The following NDRG2 variants were observed in gnomAD, a reference collection of about 807,000 sequenced individuals.
The protein encoded by NDRG2 is protein NDRG2.
A neutral mutation model predicts 58.2 loss-of-function variants in NDRG2; 34 were observed. The ratio of observed to expected loss-of-function variants is 0.58; its 90% CI spans 0.44 to 0.78. NDRG2 has a LOEUF of 0.78. NDRG2 is among the 30% of genes least tolerant of loss of function. The pLI, the probability that NDRG2 is intolerant of heterozygous loss-of-function variation, is 0.00. For synonymous variants in NDRG2, 187 were observed against 175.9 expected (o/e 1.06, Z -0.50); for missense variants, 434 against 471.2 (o/e 0.92, Z 0.73).
At chr14:21,036,926 G>T (rs947704706) in intron 1 of NDRG2, among the ~76,000 whole-genome samples, 3 of 152,212 alleles carry the variant, frequency 2.0e-5, no homozygotes, top group Non-Finnish European at 4.4e-5. Context: ...GCCAATGCAG[G>T]GTGTCGCCTG....
intron 1 of NDRG2, among the ~76,000 whole-genome samples, chr14:21,058,955 C>A (rs1885812226): frequency 6.6e-6 from 1 of 152,226 alleles, no homozygotes; most frequent in Non-Finnish European, 1.5e-5. Context: ...GAGGCATCAG[C>A]TCCACCTGCC....
In NDRG2 at chr14:21,018,826, G is replaced by A. The variant is rs972921933; in HGVS notation, c.762-12C>T. ...GCATCACAGGACACCTAAAGACACA[G>A]TGTTGGGGAGAAGGCAGTGAGCCCC... On this transcript the variant is annotated splice_polypyrimidine_tract_variant and intron_variant, in intron 11 of 15. Transcript: ENST00000556147. 6 of 1,614,020 alleles carry A rather than the reference G, an allele frequency of 3.7e-6. No individual in the cohort carries two copies. The highest frequency in any genetic ancestry group is 3.3e-4 in the Middle Eastern group (2 of 6,084).
intron 1 of NDRG2, among the ~76,000 whole-genome samples, chr14:21,042,029 G>T (rs1884920575): frequency 6.6e-6 from 1 of 152,172 alleles, no homozygotes; most frequent in South Asian, 2.1e-4. Flanking sequence ...AGGATCAAGG[G>T]CCAGAAGTGT....
chr14:21,060,996 C>T (rs1407283698), intron 1 of NDRG2, among the ~76,000 whole-genome samples: 1 of 152,184 alleles, frequency 6.6e-6, no homozygotes, highest in Non-Finnish European at 1.5e-5. Flanking sequence ...TGATTTGGAG[C>T]TAGGCAAATA....
At position 21,068,792 on chromosome 14, in the gene NDRG2, C is replaced by T. The variant is rs191700120; in HGVS notation, c.24+2036G>A. On this transcript the variant is annotated intron_variant, in intron 1 of 14. Coordinates refer to the NDRG2 transcript ENST00000403829. ...TGTTGCCATAGGTTCTTTTTTGACG[C>T]ATGGAGCAGAGGCCTCTTCTTGCCT... is the stretch of plus-strand genomic sequence containing the variant. Among the ~76,000 whole-genome samples the T allele has an allele frequency of 2.8e-4, 43 of 152,322 alleles. No homozygotes were observed. The East Asian group carries it at 5.8e-3, about 20-fold the overall frequency.
intron 1 of NDRG2, among the ~76,000 whole-genome samples, chr14:21,038,535 A>G (rs1163625031): frequency 2.6e-5 from 4 of 152,236 alleles, no homozygotes; most frequent in African/African-American, 9.6e-5. Flanking sequence ...AATGGATCTC[A>G]TGGTGAAGTT....
chr14:21,050,922 A>G (rs1320086629), intron 1 of NDRG2, among the ~76,000 whole-genome samples: 1 of 152,238 alleles, frequency 6.6e-6, no homozygotes, highest in Non-Finnish European at 1.5e-5. Context: ...ATGCTTTCTG[A>G]AACTTTTATA....
chr14:21,022,742 G>A (rs767553917), intron 3 of NDRG2, 122 bp downstream of exon 3: 31 of 926,328 alleles, frequency 3.3e-5, no homozygotes, highest in Middle Eastern at 2.7e-4. Flanking sequence ...ATAGGGAAGG[G>A]AAAGGACTAG....
Position 21,070,754 on chromosome 14 carries a change from CGCGGGAGACCCCT to C in NDRG2, c.24+61_24+73del. ...CCCCTCCTGGTCCGAGCTCCTTACC[CGCGGGAGACCCCT>C]GCGGGTTGGTCCTGCAGCGACCCTG... On this transcript the variant is annotated intron_variant, in intron 1 of 14. Transcript: ENST00000403829. The surrounding 1 kb of genome is among the most constrained non-coding windows in gnomAD (Gnocchi z 4.7). 6.7e-7 allele frequency: 1 copy of C among 1,492,716 alleles called. No homozygotes were observed. Among genetic ancestry groups the C allele is most frequent in the South Asian group, 1.2e-5 (1 of 83,034 alleles). 92.5% of individuals were successfully genotyped at this position (1,492,716 alleles called of 1,614,324 possible).
chr14:21,020,124 T>A (rs982446252), intron 8 of NDRG2, 148 bp from the exon 9 acceptor site: 2 of 661,344 alleles, frequency 3.0e-6, no homozygotes, highest in Non-Finnish European at 5.5e-6. Flanking sequence ...TGAAACCCCA[T>A]CTCTACTAAT....
At position 21,034,135 on chromosome 14, in the gene NDRG2, AATAGCCCCGG is replaced by A. The variant is rs753406274; in HGVS notation, c.25-10824_25-10815del. ...CGCATATAGGACATCAGACCATTAC[AATAGCCCCGG>A]AAACCCTTTGGGTAGTTAACCCTGG... is the stretch of plus-strand genomic sequence containing the variant. On this transcript the variant is annotated intron_variant, in intron 1 of 14. Coordinates refer to the NDRG2 transcript ENST00000403829. 5 of 1,614,236 alleles carry A rather than the reference AATAGCCCCGG, an allele frequency of 3.1e-6. No individual in the cohort carries two copies. In the South Asian group the frequency reaches 3.3e-5, roughly 11 times the overall value.
chr14:21,053,138 G>T (rs1370593106), intron 1 of NDRG2, among the ~76,000 whole-genome samples: 3 of 152,130 alleles, frequency 2.0e-5, no homozygotes, highest in Non-Finnish European at 4.4e-5. Context: ...ATAACTGGTA[G>T]GTAGTGAAGA....
chr14:21,035,726 C>A (rs1313514468), intron 1 of NDRG2: 5 of 455,070 alleles, frequency 1.1e-5, no homozygotes, highest in South Asian at 1.6e-5. Context: ...TCTGACAGCA[C>A]AAACCACAGT....
At chr14:21,042,936 G>T in intron 1 of NDRG2, 1 of 1,480,730 alleles carries the variant, frequency 6.8e-7, no homozygotes, top group Non-Finnish European at 9.2e-7. Context: ...TTTCTCAACT[G>T]AACACCTCTG....
chr14:21,047,055 C>A (rs1885207107), intron 1 of NDRG2: 3 of 152,134 alleles, frequency 2.0e-5, no homozygotes, highest in African/African-American at 7.2e-5. Context: ...ACATAAGGTT[C>A]TCCCTAAAGT....
chr14:21,024,754 C>T lies in NDRG2; in HGVS notation c.-731G>A, dbSNP rs1032572317. 1 of 985,400 alleles carries T rather than the reference C, an allele frequency of 1.0e-6. No homozygotes were observed. Among genetic ancestry groups the T allele is most frequent in the African/African-American group, 1.7e-5 (1 of 57,250 alleles). The allele number at this position is 985,400 out of a possible 1,614,324, so 61.0% of individuals were successfully genotyped here. On this transcript the variant is annotated 5_prime_UTR_variant, in exon 1 of 16. Coordinates refer to ENST00000556147, the MANE Select transcript of NDRG2 (RefSeq NM_001320329.2). ...CGGGCCCAGCACCCGGAACCCGTCC[C>T]TACGAGTCCCTACGCAGCCCGTCCG...
Position 21,022,898 on chromosome 14 carries a change from T to A in NDRG2, c.83A>T (p.Glu28Val), listed in dbSNP as rs376916002. ...GQTPEAAKEAELAARILLDQG... is the reference protein window; with the variant it reads ...GQTPEAAKEAVLAARILLDQG... ...GTCCAGGAGGATTCGGGCAGCTAAC[T>A]CAGCCTCCTGGAGAGACACACACGG... Residue 28 changes from glutamate (E) to valine (V), a missense_variant, in exon 3 of 16, where the codon GAG becomes GTG. Transcript: ENST00000556147. 1.2e-6 allele frequency: 2 copies of A among 1,613,900 alleles called. No individual in the cohort carries two copies. Among genetic ancestry groups the A allele is most frequent in the African/African-American group, 2.7e-5 (2 of 74,894 alleles).
chr14:21,040,329 C>T (rs1419862641), intron 1 of NDRG2, among the ~76,000 whole-genome samples: 1 of 152,172 alleles, frequency 6.6e-6, no homozygotes, highest in African/African-American at 2.4e-5. Flanking sequence ...ATCCTTCATC[C>T]TGACCCCCAA....
At chr14:21,041,006 T>TG (rs55638675) in intron 1 of NDRG2, among the ~76,000 whole-genome samples, 2 of 148,772 alleles carry the variant, frequency 1.3e-5, no homozygotes, top group African/African-American at 5.0e-5. Flanking sequence ...TTTGTTTGTT[T>TG]TTTGAGACAG....
Sources: gnomAD v4.1 joint callset for allele counts (sites outside exome capture counted in the v4.1 genomes callset) on GRCh38, gnomAD v4.1.1 for gene constraint, Gnocchi (gnomAD v3.1) non-coding constraint, MANE v1.5 for transcripts, NCBI Gene and HGNC (gene_info 2026-07-23, HGNC 2026-07-21) for gene names.